The following EIF2AK4 variants were observed in gnomAD, a reference collection of about 807,000 sequenced individuals.
EIF2AK4 encodes the protein eukaryotic translation initiation factor 2 alpha kinase 4.
EIF2AK4 carries 139 observed loss-of-function variants against 211.1 expected under a neutral mutation model. The observed-to-expected ratio is 0.66, with a 90% CI of 0.57 to 0.76. The LOEUF is 0.76. Ranked by LOEUF, EIF2AK4 falls within the 30% of genes least tolerant of loss-of-function variation. The pLI, the probability that EIF2AK4 is intolerant of heterozygous loss-of-function variation, is 0.00. For synonymous variants in EIF2AK4, 710 were observed against 751.3 expected, an observed-to-expected ratio of 0.94 and a Z score of 0.90; for missense variants, 1,664 against 2,043.8, an observed-to-expected ratio of 0.81 and a Z score of 3.58.
chr15:40,030,517 A>C (rs2035527555), intron 35 of EIF2AK4, 61 bp downstream of exon 35: 1 of 1,439,744 alleles, frequency 6.9e-7, no homozygotes, highest in Non-Finnish European at 9.5e-7. Context: ...AAAAACAACA[A>C]CAGGAAAGGA....
intron 8 of EIF2AK4, among the ~76,000 whole-genome samples, chr15:39,966,636 T>A (rs2034548243): frequency 6.6e-6 from 1 of 152,230 alleles, no homozygotes; most frequent in South Asian, 2.1e-4. Context: ...ATTGCAGTGT[T>A]ACATAATAAC....
chr15:40,008,574 T>G (rs1388364853), intron 25 of EIF2AK4, among the ~76,000 whole-genome samples: 1 of 152,054 alleles, frequency 6.6e-6, no homozygotes, highest in Admixed American at 6.6e-5. Flanking sequence ...GCCTAGCTGG[T>G]GGGGACTGCT....
At chr15:39,992,456 CA>C in intron 17 of EIF2AK4, 1 of 527,240 alleles carries the variant, frequency 1.9e-6, no homozygotes, top group African/African-American at 1.9e-5. Flanking sequence ...AATTGGCTCC[CA>C]GGGGTAGACA....
chr15:40,002,572 A>C, intron 21 of EIF2AK4, 141 bp from the exon 22 acceptor site: 1 of 810,660 alleles, frequency 1.2e-6, no homozygotes. Flanking sequence ...TGATGTGTTC[A>C]AAGAGGGATG....
chr15:40,007,014 A>C lies in EIF2AK4; in HGVS notation c.3358-2A>C. Reference sequence around the variant, plus strand: ...ACCTTTCATATTTTGTTTATTTTTCAGATCCCTTTTGCAAGATATGTGGCA... The same window carrying C: ...ACCTTTCATATTTTGTTTATTTTTCCGATCCCTTTTGCAAGATATGTGGCA... On this transcript the variant is annotated splice_acceptor_variant, in intron 23 of 38. Coordinates refer to ENST00000263791, the MANE Select transcript of EIF2AK4 (RefSeq NM_001013703.4). LOFTEE classifies it high-confidence loss of function. 1.3e-6 allele frequency: 2 copies of C among 1,592,552 alleles called. No homozygotes were observed. The highest frequency in any genetic ancestry group is 1.7e-6 in the Non-Finnish European group (2 of 1,162,268).
At chr15:39,996,308 T>C (rs1351555595) in intron 18 of EIF2AK4, among the ~76,000 whole-genome samples, 1 of 152,208 alleles carries the variant, frequency 6.6e-6, no homozygotes, top group African/African-American at 2.4e-5. Context: ...ACAAAGCAAA[T>C]TCTTATGATC....
At chr15:39,967,058 G>A (rs2034553541) in intron 8 of EIF2AK4, among the ~76,000 whole-genome samples, 1 of 152,172 alleles carries the variant, frequency 6.6e-6, no homozygotes, top group Non-Finnish European at 1.5e-5. Flanking sequence ...TAATTTTGTA[G>A]TATATGCATA....
chr15:39,981,649 T>C (rs76818692), intron 13 of EIF2AK4, among the ~76,000 whole-genome samples: 2,694 of 152,008 alleles, frequency 0.018, 90 homozygotes, highest in African/African-American at 0.062. Context: ...TTCAAAAAAA[T>C]TCTTCCTCAG....
In EIF2AK4 at chr15:39,947,684, G is replaced by A. The variant is rs145768162; in HGVS notation, c.361-1432G>A. Among the ~76,000 whole-genome samples the A allele has an allele frequency of 1.4e-4, 21 of 152,332 alleles. No homozygotes were observed. In the East Asian group the frequency reaches 4.0e-3, roughly 29 times the overall value. On this transcript the variant is annotated intron_variant, in intron 3 of 38. Transcript: ENST00000263791. ...TAAGTGCCATGAAGAAAATCAGGGT[G>A]AGCGGTCTAGAGAGTGTGACAGTGG...
Position 39,955,756 on chromosome 15 carries a change from C to T in EIF2AK4, c.731C>T (p.Ser244Leu), listed in dbSNP as rs771300276. ...VGNGKHRANS[S>L]GRSRRERQYS... ...AATGGTAAACATCGGGCAAACTCCTCAGGAAGGTCTAGGTAAGTCCCTGGG... is the reference window on the plus strand; with the variant it reads ...AATGGTAAACATCGGGCAAACTCCTTAGGAAGGTCTAGGTAAGTCCCTGGG... Residue 244 changes from serine (S) to leucine (L), a missense_variant, in exon 6 of 39, where the codon TCA (serine) becomes TTA (leucine). Ser to Leu is a moderately radical substitution (Grantham distance 145, BLOSUM62 -2). Coordinates refer to ENST00000263791, the MANE Select transcript of EIF2AK4 (RefSeq NM_001013703.4). 6.2e-7 allele frequency: 1 copy of T among 1,610,748 alleles called. No homozygotes were observed. The highest frequency in any genetic ancestry group is 8.5e-7 in the Non-Finnish European group (1 of 1,179,054).
At chr15:39,961,556 A>T (rs146664244) in intron 6 of EIF2AK4, among the ~76,000 whole-genome samples, 70 of 152,232 alleles carry the variant, frequency 4.6e-4, no homozygotes, top group African/African-American at 1.4e-3. Flanking sequence ...TCATGTGGAG[A>T]AGATGACAAT....
At chr15:39,938,036 A>G (rs1595538818) in intron 1 of EIF2AK4, among the ~76,000 whole-genome samples, 1 of 152,192 alleles carries the variant, frequency 6.6e-6, no homozygotes, top group African/African-American at 2.4e-5. Context: ...TGATAACCAC[A>G]TTTAAGTATA....
At chr15:39,951,631 A>C (rs1359752856) in intron 4 of EIF2AK4, 2 of 254,162 alleles carry the variant, frequency 7.9e-6, no homozygotes, top group African/African-American at 4.6e-5. Context: ...CTAATTTCAC[A>C]GAATGCCACA....
At chr15:39,975,612 T>C (rs1367017154) in intron 11 of EIF2AK4, among the ~76,000 whole-genome samples, 2 of 152,268 alleles carry the variant, frequency 1.3e-5, no homozygotes, top group Non-Finnish European at 2.9e-5. Context: ...TGAAACTGCC[T>C]GGCATAAGGA....
At chr15:40,005,991 A>G (rs891264931) in intron 23 of EIF2AK4, among the ~76,000 whole-genome samples, 18 of 152,282 alleles carry the variant, frequency 1.2e-4, no homozygotes, top group African/African-American at 4.1e-4. Flanking sequence ...AAAATTCACA[A>G]AGCTCCAAAA....
chr15:39,998,674 A>C lies in EIF2AK4; in HGVS notation c.2869-57A>C, dbSNP rs1307577017. On this transcript the variant is annotated intron_variant, in intron 19 of 38. Transcript: ENST00000263791. ...TTGATTTTCTTACTTATGGTGAATA[A>C]ATGCTTTCACTGTGGCAGTCTGCCA... The C allele has an allele frequency of 3.7e-6, 5 of 1,361,086 alleles. No homozygotes were observed. The Admixed American group carries it at 9.3e-5, about 25-fold the overall frequency. The allele number at this position is 1,361,086 out of a possible 1,614,324, so 84.3% of individuals were successfully genotyped here.
At chr15:40,005,360 A>G (rs957727238) in intron 23 of EIF2AK4, among the ~76,000 whole-genome samples, 1 of 151,862 alleles carries the variant, frequency 6.6e-6, no homozygotes, top group Non-Finnish European at 1.5e-5. Flanking sequence ...TAGAGAAAGA[A>G]AAGTTTTTTT....
chr15:39,939,480 A>AT, intron 1 of EIF2AK4, 25 bp from the exon 2 acceptor site: 14 of 1,560,610 alleles, frequency 9.0e-6, no homozygotes, highest in Middle Eastern at 1.7e-4. Context: ...TTTGAAAAAA[A>AT]TTTTTTTTGT....
intron 21 of EIF2AK4, 71 bp from the exon 22 acceptor site, chr15:40,002,642 C>G: frequency 6.5e-7 from 1 of 1,536,508 alleles, no homozygotes; most frequent in Non-Finnish European, 9.0e-7. Flanking sequence ...TACTGCAAGC[C>G]ACAGATTAAT....
Sources: gnomAD v4.1 joint callset for allele counts (sites outside exome capture counted in the v4.1 genomes callset) on GRCh38, gnomAD v4.1.1 for gene constraint, MANE v1.5 for transcripts, NCBI Gene and HGNC (gene_info 2026-07-23, HGNC 2026-07-21) for gene names.